CARF: variants seen among roughly 807,000 people sequenced by gnomAD.
CARF encodes the protein calcium-responsive transcription factor.
Under a neutral mutation model 82.0 loss-of-function variants are expected in CARF, and 57 were observed. The observed-to-expected ratio is 0.70, with a 90% CI of 0.56 to 0.87. The LOEUF (loss-of-function observed/expected upper bound fraction) is 0.87, where lower values mean the gene tolerates loss of function less well. Among genes scored for constraint, CARF ranks in the 40% least tolerant of loss-of-function variants. The probability of loss-of-function intolerance (pLI) is 0.00; values close to 1 mark genes in which losing one functional copy is unlikely to be tolerated. For missense variants in CARF, 771 were observed against 855.8 expected (o/e 0.90, Z 1.24); for synonymous variants, 268 against 290.1 (o/e 0.92, Z 0.77).
chr2:202,933,467 G>A (rs947348574), intron 3 of CARF, among the ~76,000 whole-genome samples: 1 of 152,178 alleles, frequency 6.6e-6, no homozygotes, highest in Non-Finnish European at 1.5e-5. Flanking sequence ...TGTGAAGACT[G>A]CAGGGAACCT....
chr2:202,954,980 C>T (rs1288516461), intron 7 of CARF, among the ~76,000 whole-genome samples: 1 of 151,490 alleles, frequency 6.6e-6, no homozygotes. Flanking sequence ...TGCCACTGTA[C>T]TCCAGCCTGG....
chr2:202,982,283 AC>A lies in CARF; in HGVS notation c.1903del (p.Leu635PhefsTer8). 1 of 1,614,162 alleles carries A rather than the reference AC, an allele frequency of 6.2e-7. No homozygotes were observed. Among genetic ancestry groups the A allele is most frequent in the Non-Finnish European group, 8.5e-7 (1 of 1,180,016 alleles). On this transcript the variant is annotated frameshift_variant, in exon 16 of 17. Transcript: ENST00000438828. LOFTEE classifies it high-confidence loss of function. ...QNNSTASTMG[N>X]LPEPDQNLVA... ...AATAGTACTGCCTCCACCATGGGTA[AC>A]CTTCCAGAACCAGATCAAAATCTAG...
intron 3 of CARF, among the ~76,000 whole-genome samples, chr2:202,933,066 C>T (rs566140870): frequency 1.3e-5 from 2 of 152,278 alleles, no homozygotes; most frequent in South Asian, 4.1e-4. Flanking sequence ...AGAGGCATGA[C>T]TGCTCTGAGC....
Position 202,941,892 on chromosome 2 carries a change from A to G in CARF, c.-11A>G. 6.2e-7 allele frequency: 1 copy of G among 1,606,006 alleles called. No individual in the cohort carries two copies. The highest frequency in any genetic ancestry group is 1.1e-5 in the South Asian group (1 of 90,776). On this transcript the variant is annotated 5_prime_UTR_variant, in exon 4 of 17. In the 5' UTR this introduces an upstream ATG that the reference lacks. Transcript: ENST00000438828. The stretch of plus-strand genomic sequence containing the variant: ...ATAATAGAAGAAAATGGAATTGAAT[A>G]TGATGTCAGCATGGAACAATCTAAT...
chr2:202,969,284 AGTAATCCAGGGCCAGGCAT>A (rs2059679511), intron 10 of CARF, among the ~76,000 whole-genome samples: 1 of 152,140 alleles, frequency 6.6e-6, no homozygotes, highest in South Asian at 2.1e-4. Flanking sequence ...AGGCTATTAA[AGTAATCCAGGGCCAGGCAT>A]GGCAGCTCAT....
intron 3 of CARF, among the ~76,000 whole-genome samples, chr2:202,935,023 G>A (rs546328466): frequency 1.4e-5 from 2 of 148,078 alleles, no homozygotes; most frequent in East Asian, 4.0e-4. Context: ...GTTGCAGTGA[G>A]TGGAGATTGC....
chr2:202,947,138 A>G (rs1306735248), intron 5 of CARF, among the ~76,000 whole-genome samples: 4 of 152,188 alleles, frequency 2.6e-5, no homozygotes, highest in African/African-American at 9.7e-5. Flanking sequence ...GTATACCCAA[A>G]GGATTATAAA....
intron 9 of CARF, among the ~76,000 whole-genome samples, chr2:202,965,652 T>C (rs2059517172): frequency 6.6e-6 from 1 of 152,158 alleles, no homozygotes; most frequent in Non-Finnish European, 1.5e-5. Context: ...CTATTACTTT[T>C]ATATTTACTT....
In CARF at chr2:202,970,039, G is replaced by A. The variant is rs780710240; in HGVS notation, c.1074G>A (p.Leu358=). ...EKAFNMLKKN[L]VDAGGVLRWY... ...CTTTTAACATGCTAAAGAAGAACTTGGTAGATGCTGGTGGTGTTCTTAGGT... is the reference window on the plus strand; with the variant it reads ...CTTTTAACATGCTAAAGAAGAACTTAGTAGATGCTGGTGGTGTTCTTAGGT... The change falls in exon 11 of 17, where the codon TTG becomes TTA. Residue 358 remains leucine, a synonymous_variant. Transcript: ENST00000438828. 8.3e-6 allele frequency: 13 copies of A among 1,570,046 alleles called. No individual in the cohort carries two copies. Among genetic ancestry groups the A allele is most frequent in the Non-Finnish European group, 8.6e-7 (1 of 1,167,378 alleles).
At position 202,955,761 on chromosome 2, in the gene CARF, G is replaced by A; in HGVS notation, c.642+3G>A. 6.2e-7 allele frequency: 1 copy of A among 1,605,310 alleles called. No individual in the cohort carries two copies. Among genetic ancestry groups the A allele is most frequent in the African/African-American group, 1.3e-5 (1 of 74,740 alleles). ...CCTGCCGTCTTAGGAGCTGTGAGGT[G>A]AGTTATAAATAATCATTACCTAGAA... On this transcript the variant is annotated splice_donor_region_variant and intron_variant, in intron 8 of 16. Coordinates refer to ENST00000438828, the MANE Select transcript of CARF (RefSeq NM_024744.17).
intron 3 of CARF, among the ~76,000 whole-genome samples, chr2:202,941,155 A>G (rs929823622): frequency 2.6e-4 from 40 of 152,186 alleles, no homozygotes; most frequent in African/African-American, 9.2e-4. Context: ...AATTTTTGCA[A>G]TTGATTTTTT....
chr2:202,955,793 A>C, intron 8 of CARF, 35 bp downstream of exon 8: 4 of 1,506,058 alleles, frequency 2.7e-6, no homozygotes, highest in Non-Finnish European at 2.8e-6. Flanking sequence ...AGAATTACTT[A>C]ACTGATTATA....
At chr2:202,957,448 C>T (rs1487941719) in intron 8 of CARF, among the ~76,000 whole-genome samples, 1 of 152,104 alleles carries the variant, frequency 6.6e-6, no homozygotes, top group Admixed American at 6.6e-5. Flanking sequence ...CTACTTTTGA[C>T]AGATACTCCA....
At position 202,986,370 on chromosome 2, in the gene CARF, AAC is replaced by A. The variant is rs2060427253; in HGVS notation, c.*2748_*2749del. ...TTCAGTATCTATATTGGCTTTCTCT[AAC>A]AGCTCTACAGCAAAGTTTGACATGT... On this transcript the variant is annotated 3_prime_UTR_variant, in exon 17 of 17. Coordinates refer to ENST00000438828, the MANE Select transcript of CARF (RefSeq NM_024744.17). 6.6e-6 allele frequency: 1 copy of A among 152,148 alleles called. No individual in the cohort carries two copies. Among genetic ancestry groups the A allele is most frequent in the Non-Finnish European group, 1.5e-5 (1 of 67,976 alleles). The allele number at this position is 152,148 out of a possible 1,614,324, so 9.4% of individuals were successfully genotyped here.
rs570791156 is a variant in CARF, at chr2:202,977,006, T to A, written c.1495-263T>A. On this transcript the variant is annotated intron_variant, in intron 13 of 16. Coordinates refer to ENST00000438828, the MANE Select transcript of CARF (RefSeq NM_024744.17). ...GCATGACCCACTGTACCCAGCCCAA[T>A]AACTCTTAATTATTCACTATCTAAA... Among the ~76,000 whole-genome samples the A allele has an allele frequency of 9.8e-5, 15 of 152,336 alleles. No homozygotes were observed. In the East Asian group the frequency reaches 1.7e-3, roughly 18 times the overall value.
intron 3 of CARF, among the ~76,000 whole-genome samples, chr2:202,926,074 T>C (rs527541051): frequency 1.3e-4 from 20 of 152,280 alleles, no homozygotes; most frequent in African/African-American, 4.6e-4. Flanking sequence ...AGCTAGTATC[T>C]GAGTCCTTTG....
Position 202,952,618 on chromosome 2 carries a change from G to T in CARF, c.366G>T (p.Gln122His), listed in dbSNP as rs1375990325. ...TACTTCGTGTAATTCCACCTACCCA[G>T]ACAGGAATGGCACAAGTGATTATAC... ...GQVLRVIPPTQTGMAQVIIPQ... is the reference protein window; with the variant it reads ...GQVLRVIPPTHTGMAQVIIPQ... The change falls in exon 6 of 17, where the codon CAG becomes CAT. Residue 122 changes from glutamine to histidine, a missense_variant. By Grantham distance (24) the Gln-to-His change is conservative. Coordinates refer to ENST00000438828, the MANE Select transcript of CARF (RefSeq NM_024744.17). 1 of 1,613,582 alleles carries T rather than the reference G, an allele frequency of 6.2e-7. No homozygotes were observed. The highest frequency in any genetic ancestry group is 8.5e-7 in the Non-Finnish European group (1 of 1,179,906).
intron 1 of CARF, among the ~76,000 whole-genome samples, chr2:202,915,299 G>A (rs1257095733): frequency 1.3e-5 from 2 of 151,948 alleles, no homozygotes; most frequent in Non-Finnish European, 2.9e-5. Context: ...ACAGGCGTGA[G>A]CCACTGTACT....
At chr2:202,915,859 T>C (rs1689538081) in intron 1 of CARF, among the ~76,000 whole-genome samples, 1 of 149,788 alleles carries the variant, frequency 6.7e-6, no homozygotes, top group African/African-American at 2.5e-5. Context: ...CCGCCCACTT[T>C]AGACTCCCAA....
Sources: gnomAD v4.1 joint callset for allele counts (sites outside exome capture counted in the v4.1 genomes callset) on GRCh38, gnomAD v4.1.1 for gene constraint, MANE v1.5 for transcripts, NCBI Gene and HGNC (gene_info 2026-07-23, HGNC 2026-07-21) for gene names.